Variants in NHSL1 observed in about 807,000 individuals in gnomAD.
NHSL1 encodes NHS-like protein 1.
A neutral mutation model predicts 95.0 loss-of-function variants in NHSL1; 48 were observed. The ratio of observed to expected loss-of-function variants is 0.51; its 90% CI spans 0.40 to 0.64. The LOEUF (loss-of-function observed/expected upper bound fraction) is 0.64, where lower values mean the gene tolerates loss of function less well. Among genes scored for constraint, NHSL1 ranks in the 30% least tolerant of loss-of-function variants. NHSL1 has a pLI of 0.00. For synonymous variants in NHSL1, 783 were observed against 833.9 expected (o/e 0.94, Z 1.05); for missense variants, 1,971 against 2,077.7 (o/e 0.95, Z 1.00).
In NHSL1 at chr6:138,433,231, C is replaced by A. The variant is rs1442954272; in HGVS notation, c.1114G>T (p.Gly372Cys). Residue 372 changes from glycine to cysteine, a missense_variant, in exon 6 of 8, where the codon GGT (glycine) becomes TGT (cysteine). This residue lies in a region of NHSL1 where 1,602 missense variants were observed against 1,654.5 expected (regional missense o/e 0.97). Coordinates refer to ENST00000343505, the MANE Select transcript of NHSL1 (RefSeq NM_001144060.2). ...QADENLGHLG[G>C]ASGTGTLLRP... ...AAAAGTGTTCCAGTCCCTGAGGCAC[C>A]TCCTAAATGGCCTAAGTTTTCATCT... 6.4e-7 allele frequency: 1 copy of A among 1,551,398 alleles called. No individual in the cohort carries two copies. The highest frequency in any genetic ancestry group is 1.2e-5 in the South Asian group (1 of 84,050).
intron 3 of NHSL1, among the ~76,000 whole-genome samples, chr6:138,472,089 C>T (rs1043313918): frequency 3.4e-5 from 5 of 148,252 alleles, no homozygotes; most frequent in African/African-American, 1.0e-4. Flanking sequence ...GGCTGAGGTA[C>T]GAGAATTGCT....
rs186874814 is a variant in NHSL1 at position 138,432,787 on chromosome 6, A to C, written c.1558T>G (p.Cys520Gly). 6.4e-6 allele frequency: 10 copies of C among 1,551,640 alleles called. No homozygotes were observed. In the East Asian group the frequency reaches 2.4e-4, roughly 38 times the overall value. The stretch of plus-strand genomic sequence containing the variant: ...GCTGGGAAGGCCAGGTTGTTTCTAC[A>C]ATTATACGGCATAGCTTGGGACCCA... ...ENGSQAMPYN[C>G]RNNLAFPAHP... The change falls in exon 6 of 8, where the codon TGT becomes GGT. Residue 520 changes from cysteine (C) to glycine (G), a missense_variant. Around this residue, in one of 3 missense-constraint regions of NHSL1, gnomAD observed 1,602 missense variants for 1,654.5 expected, o/e 0.97. Transcript: ENST00000343505. This position sits in a 1 kb window ranked among gnomAD's most constrained non-coding sequence, Gnocchi z 4.4.
intron 3 of NHSL1, among the ~76,000 whole-genome samples, chr6:138,460,358 T>C (rs771386265): frequency 4.0e-5 from 6 of 151,316 alleles, no homozygotes; most frequent in Non-Finnish European, 8.9e-5. Flanking sequence ...AAAGATGATA[T>C]ACATCAGCCC....
chr6:138,484,802 G>A (rs1779624293), intron 2 of NHSL1, among the ~76,000 whole-genome samples: 2 of 152,200 alleles, frequency 1.3e-5, no homozygotes, highest in Non-Finnish European at 1.5e-5. Context: ...AACATTAAAA[G>A]TTGAGCCACT....
chr6:138,624,274 C>T (rs112520515), intron 1 of NHSL1, among the ~76,000 whole-genome samples: 4 of 152,084 alleles, frequency 2.6e-5, no homozygotes, highest in African/African-American at 9.7e-5. Flanking sequence ...TAGGGTGGTG[C>T]CTGAGCCTCC....
intron 2 of NHSL1, among the ~76,000 whole-genome samples, chr6:138,495,567 G>A (rs558057194): frequency 6.6e-6 from 1 of 152,296 alleles, no homozygotes; most frequent in African/African-American, 2.4e-5. Flanking sequence ...CATGTCAGCA[G>A]TGGTTTATTT....
intron 1 of NHSL1, among the ~76,000 whole-genome samples, chr6:138,512,960 C>A (rs1218481668): frequency 6.6e-6 from 1 of 152,204 alleles, no homozygotes; most frequent in Non-Finnish European, 1.5e-5. Context: ...AATGCACCTA[C>A]CCTCAATCTG....
chr6:138,505,393 T>C (rs1398573419), intron 1 of NHSL1, among the ~76,000 whole-genome samples: 1 of 152,156 alleles, frequency 6.6e-6, no homozygotes, highest in Non-Finnish European at 1.5e-5. Flanking sequence ...TGGTGACTCA[T>C]GCCTGTAATC....
chr6:138,432,388 T>C lies in NHSL1; in HGVS notation c.1957A>G (p.Asn653Asp). Residue 653 changes from asparagine (N) to aspartate (D), a missense_variant, in exon 6 of 8, where the codon AAT becomes GAT. Asn to Asp is a conservative substitution (Grantham distance 23, BLOSUM62 1). Coordinates refer to ENST00000343505, the MANE Select transcript of NHSL1 (RefSeq NM_001144060.2). The surrounding 1 kb of genome is among the most constrained non-coding windows in gnomAD (Gnocchi z 4.4). ...CTTGATAGGGATTTATCCTGGTAAT[T>C]GGACCGGTCCCCTTGGTTTTTCTGA... ...RAQKNQGDRSNYQDKSLSRNI... is the reference protein window; with the variant it reads ...RAQKNQGDRSDYQDKSLSRNI... The C allele has an allele frequency of 3.2e-6, 5 of 1,552,162 alleles. No homozygotes were observed. Among genetic ancestry groups the C allele is most frequent in the Non-Finnish European group, 4.4e-6 (5 of 1,147,088 alleles).
In NHSL1 at chr6:138,437,453, A is replaced by C. The variant is rs1390589773; in HGVS notation, c.665-3773T>G. On this transcript the variant is annotated intron_variant, in intron 5 of 7. Transcript: ENST00000343505. Reference sequence around the variant, plus strand: ...ACACACACACACACACACAAAAAAAAAAAAAAAAAATACAATGCACCTAGT... The same window carrying C: ...ACACACACACACACACACAAAAAAACAAAAAAAAAATACAATGCACCTAGT... 1.0e-3 allele frequency among the ~76,000 whole-genome samples: 144 copies of C among 139,120 alleles called. 5 individuals are homozygous for C. The highest frequency in any genetic ancestry group is 3.1e-3 in the African/African-American group (105 of 34,054). The allele number at this position is 139,120 out of a possible 152,430, so 91.3% of individuals were successfully genotyped here.
At chr6:138,656,786 T>A (rs1228397054) in intron 1 of NHSL1, among the ~76,000 whole-genome samples, 1 of 152,068 alleles carries the variant, frequency 6.6e-6, no homozygotes, top group East Asian at 1.9e-4. Context: ...ATTGATGTGA[T>A]CCAAAAAAGC....
intron 1 of NHSL1, among the ~76,000 whole-genome samples, chr6:138,648,593 G>C (rs190047904): frequency 1.3e-5 from 2 of 152,214 alleles, no homozygotes; most frequent in East Asian, 3.9e-4. Context: ...ATAATTGCTG[G>C]GACTTCTCAA....
chr6:138,610,414 T>G (rs1486599357), intron 1 of NHSL1, among the ~76,000 whole-genome samples: 2 of 151,672 alleles, frequency 1.3e-5, no homozygotes, highest in Non-Finnish European at 2.9e-5. Context: ...CGGGGAGGGA[T>G]AGCATTAGGA....
In NHSL1 at chr6:138,685,402, T is replaced by C. The variant is rs751546967; in HGVS notation, c.96+7074A>G. Among the ~76,000 whole-genome samples the C allele has an allele frequency of 4.4e-4, 67 of 152,300 alleles. 1 individual carries two copies. The highest frequency in any genetic ancestry group is 4.1e-4 in the Non-Finnish European group (28 of 68,024). ...ACATAATTCTCTTTCCATAATGACA[T>C]TGCACTTTTTAAAGCTGAGGAGGAA... is the stretch of plus-strand genomic sequence containing the variant. On this transcript the variant is annotated intron_variant, in intron 1 of 3. Coordinates refer to the NHSL1 transcript ENST00000491526.
At chr6:138,692,901 G>A (rs1486713884), upstream of NHSL1, among the ~76,000 whole-genome samples, 1 of 150,910 alleles carries the variant, frequency 6.6e-6, no homozygotes, top group Non-Finnish European at 1.5e-5. This position sits in a 1 kb window ranked among gnomAD's most constrained non-coding sequence, Gnocchi z 4.0. Context: ...TGCCCGCAGG[G>A]GAGAGGCCGG....
At chr6:138,443,063 A>AT (rs1491268411) in intron 4 of NHSL1, among the ~76,000 whole-genome samples, 1 of 141,364 alleles carries the variant, frequency 7.1e-6, no homozygotes, top group Non-Finnish European at 1.5e-5. Flanking sequence ...ACACACACAC[A>AT]TATATATATA....
chr6:138,450,076 A>G (rs1777130520), intron 3 of NHSL1, among the ~76,000 whole-genome samples: 1 of 152,190 alleles, frequency 6.6e-6, no homozygotes, highest in Non-Finnish European at 1.5e-5. Context: ...CAATCAAAGG[A>G]ATTTTTGGGT....
At chr6:138,519,727 C>G (rs1382908465) in intron 1 of NHSL1, among the ~76,000 whole-genome samples, 1 of 152,222 alleles carries the variant, frequency 6.6e-6, no homozygotes, top group Non-Finnish European at 1.5e-5. Context: ...TTAGGCATCT[C>G]TAGCAAGGTA....
At chr6:138,690,751 C>G (rs1443416291) in intron 1 of NHSL1, among the ~76,000 whole-genome samples, 1 of 152,108 alleles carries the variant, frequency 6.6e-6, no homozygotes, top group Non-Finnish European at 1.5e-5. Context: ...ACTTAAGATT[C>G]AAACAAACTT....
Sources: gnomAD v4.1 joint callset for allele counts (sites outside exome capture counted in the v4.1 genomes callset) on GRCh38, gnomAD v4.1.1 for gene constraint, gnomAD v4.1.1 regional missense constraint, Gnocchi (gnomAD v3.1) non-coding constraint, MANE v1.5 for transcripts, NCBI Gene and HGNC (gene_info 2026-07-23, HGNC 2026-07-21) for gene names.